LYZL2: variants seen among roughly 807,000 people sequenced by gnomAD.
LYZL2 encodes the protein lysozyme-like protein 2.
Under a neutral mutation model 17.1 loss-of-function variants are expected in LYZL2, and 13 were observed. That is an observed-to-expected ratio of 0.76 (90% CI 0.49 to 1.21). LYZL2 has a LOEUF of 1.21. Ranked by LOEUF, LYZL2 falls within the 50% of genes most tolerant of loss-of-function variation. The pLI is 0.00. For missense variants in LYZL2, 166 were observed against 189.2 expected, an observed-to-expected ratio of 0.88 and a Z score of 0.72; for synonymous variants, 63 against 74.4, an observed-to-expected ratio of 0.85 and a Z score of 0.79.
In LYZL2 at chr10:30,612,415, T is replaced by C. The variant is rs376111679; in HGVS notation, c.378-391A>G. On this transcript the variant is annotated intron_variant, in intron 4 of 4. Coordinates refer to ENST00000647634, the MANE Select transcript of LYZL2 (RefSeq NM_183058.3). ...CGCCATGACACAGACCTGCTCACTTTCCTCTTGCTGCTGCTCATTCTCTTT... is the reference window on the plus strand; with the variant it reads ...CGCCATGACACAGACCTGCTCACTTCCCTCTTGCTGCTGCTCATTCTCTTT... Among the ~76,000 whole-genome samples the C allele has an allele frequency of 7.7e-4, 118 of 152,318 alleles. 1 individual carries two copies. In the South Asian group the frequency reaches 0.011, roughly 15 times the overall value.
intron 2 of LYZL2, 57 bp from the exon 3 acceptor site, chr10:30,626,320 C>G (rs1838705852): frequency 5.6e-6 from 9 of 1,598,420 alleles, no homozygotes; most frequent in South Asian, 3.4e-5. Flanking sequence ...TTGCTCTAAG[C>G]TTGGTCTAAG....
downstream of LYZL2, chr10:30,611,650 GAAGA>G (rs1383010389): frequency 3.9e-6 from 1 of 258,552 alleles, no homozygotes; most frequent in Non-Finnish European, 6.8e-6. Flanking sequence ...AGGGAGGAAG[GAAGA>G]AAGGAAGAGA....
intron 3 of LYZL2, among the ~76,000 whole-genome samples, chr10:30,619,837 A>C (rs1005574105): frequency 2.6e-5 from 4 of 152,188 alleles, no homozygotes; most frequent in African/African-American, 4.8e-5. Context: ...TAATAAAAAA[A>C]TTAAAAAAAA....
chr10:30,614,950 A>G (rs1239509663), intron 3 of LYZL2, among the ~76,000 whole-genome samples: 2 of 152,258 alleles, frequency 1.3e-5, no homozygotes, highest in Non-Finnish European at 2.9e-5. Context: ...TATTCAAATT[A>G]GTCATAATAC....
chr10:30,619,840 A>T lies in LYZL2; in HGVS notation c.298+6265T>A, dbSNP rs192411252. Among the ~76,000 whole-genome samples the T allele has an allele frequency of 5.6e-4, 85 of 151,992 alleles. No individual in the cohort carries two copies. The South Asian group carries it at 6.2e-3, about 11-fold the overall frequency. On this transcript the variant is annotated intron_variant, in intron 3 of 4. Coordinates refer to ENST00000647634, the MANE Select transcript of LYZL2 (RefSeq NM_183058.3). ...CTTAAAGTACAATAATAAAAAAATT[A>T]AAAAAAAGAAAAGAAAATTTAGATA...
chr10:30,610,362 C>G (rs73245065), downstream of LYZL2, among the ~76,000 whole-genome samples: 9,255 of 152,110 alleles, frequency 0.061, 549 homozygotes, highest in African/African-American at 0.15. Context: ...ATGTTGCAGC[C>G]ATAAAAAAGA....
intron 3 of LYZL2, among the ~76,000 whole-genome samples, chr10:30,623,291 T>C (rs1363916220): frequency 1.3e-5 from 2 of 152,182 alleles, no homozygotes; most frequent in Non-Finnish European, 2.9e-5. Context: ...CCACCAAATA[T>C]AAAATACACA....
At chr10:30,617,938 C>T (rs1203357475) in intron 3 of LYZL2, among the ~76,000 whole-genome samples, 1 of 151,902 alleles carries the variant, frequency 6.6e-6, no homozygotes, top group Non-Finnish European at 1.5e-5. Context: ...ATTGTCTCAG[C>T]CCAAAATCTC....
intron 1 of LYZL2, among the ~76,000 whole-genome samples, chr10:30,628,669 C>T (rs1838758542): frequency 6.6e-6 from 1 of 152,208 alleles, no homozygotes. Flanking sequence ...GGAAACTTCT[C>T]TAGTCATTAG....
intron 3 of LYZL2, among the ~76,000 whole-genome samples, chr10:30,619,617 A>T (rs1207758967): frequency 6.6e-6 from 1 of 151,220 alleles, no homozygotes. Context: ...CATAGGTGGG[A>T]ATTGAACAAT....
intron 3 of LYZL2, 108 bp from the exon 4 acceptor site, chr10:30,613,008 A>C: frequency 2.6e-6 from 2 of 778,674 alleles, no homozygotes; most frequent in Non-Finnish European, 4.3e-6. Context: ...GGAAGGTTGG[A>C]AGAACTATAA....
chr10:30,629,747 C>T lies in LYZL2; in HGVS notation c.-180G>A. 1.3e-6 allele frequency: 2 copies of T among 1,566,344 alleles called. No individual in the cohort carries two copies. The highest frequency in any genetic ancestry group is 1.7e-6 in the Non-Finnish European group (2 of 1,151,702). On this transcript the variant is annotated 5_prime_UTR_variant, in exon 1 of 5. Coordinates refer to ENST00000647634, the MANE Select transcript of LYZL2 (RefSeq NM_183058.3). ...TGATTCTAACAAGGCTCGAGTAATC[C>T]TTTCCTAGCTCAAGAACCTTTCTTT...
downstream of LYZL2, among the ~76,000 whole-genome samples, chr10:30,610,507 C>A (rs115547645): frequency 4.6e-3 from 698 of 152,190 alleles, 7 homozygotes; most frequent in African/African-American, 0.016. Context: ...AACACATGGA[C>A]ACTGGGAGCA....
chr10:30,622,338 A>G (rs1838635630), intron 3 of LYZL2, among the ~76,000 whole-genome samples: 1 of 152,118 alleles, frequency 6.6e-6, no homozygotes. Context: ...CAAGGTCAGG[A>G]GATCGAGACC....
intron 3 of LYZL2, among the ~76,000 whole-genome samples, chr10:30,615,242 G>C (rs1454682169): frequency 1.3e-5 from 2 of 152,226 alleles, no homozygotes. Context: ...CAACAACATG[G>C]AAGAACGGAA....
At chr10:30,614,180 G>A (rs1387249814) in intron 3 of LYZL2, among the ~76,000 whole-genome samples, 1 of 152,238 alleles carries the variant, frequency 6.6e-6, no homozygotes, top group African/African-American at 2.4e-5. Flanking sequence ...TCTACTGCAA[G>A]TTGAGTCCTC....
rs888025914 is a variant in LYZL2 at position 30,612,117 on chromosome 10, C to A, written c.378-93G>T. 2.7e-6 allele frequency: 4 copies of A among 1,460,818 alleles called. No homozygotes were observed. The African/African-American group carries it at 5.7e-5, about 21-fold the overall frequency. 90.5% of individuals were successfully genotyped at this position (1,460,818 alleles called of 1,614,324 possible). A position where few individuals can be genotyped will look rare whatever the true frequency, so the allele number is the denominator to read the frequency against. ...GTCTACAGAAATTAACCAAAATCGC[C>A]AGCGGAACCCTGGGTTGGGTTTCAT... On this transcript the variant is annotated intron_variant, in intron 4 of 4. Transcript: ENST00000647634.
chr10:30,628,842 G>A (rs78187770), intron 1 of LYZL2, among the ~76,000 whole-genome samples: 294 of 152,284 alleles, frequency 1.9e-3, no homozygotes, highest in African/African-American at 6.2e-3. Context: ...CATTACAAAC[G>A]TGAATAGCAA....
At position 30,612,763 on chromosome 10, in the gene LYZL2, A is replaced by G; in HGVS notation, c.377+59T>C. 6 of 1,325,212 alleles carry G rather than the reference A, an allele frequency of 4.5e-6. No individual in the cohort carries two copies. In the South Asian group the frequency reaches 7.1e-5, roughly 16 times the overall value. 82.1% of individuals were successfully genotyped at this position (1,325,212 alleles called of 1,614,324 possible). A position where few individuals can be genotyped will look rare whatever the true frequency, so the allele number is the denominator to read the frequency against. ...TTGTCAATTCCACCATAACTGTGAT[A>G]AATACACACACTAGGTTTTGCCCAT... is the stretch of plus-strand genomic sequence containing the variant. On this transcript the variant is annotated intron_variant, in intron 4 of 4. Transcript: ENST00000647634.
Sources: allele counts gnomAD v4.1 joint callset (sites outside exome capture counted in the v4.1 genomes callset), GRCh38; gene constraint gnomAD v4.1.1; transcripts MANE v1.5; gene names NCBI Gene and HGNC (gene_info 2026-07-23, HGNC 2026-07-21).